Variants in SMYD3 observed in about 807,000 individuals in gnomAD.
SMYD3 encodes SET and MYND domain containing 3.
Under a neutral mutation model 57.7 loss-of-function variants are expected in SMYD3, and 36 were observed. The ratio of observed to expected loss-of-function variants is 0.62; its 90% confidence interval spans 0.48 to 0.82. SMYD3 has a LOEUF of 0.82. Ranked by LOEUF, SMYD3 falls within the 40% of genes least tolerant of loss-of-function variation. The pLI, the probability that SMYD3 is intolerant of heterozygous loss-of-function variation, is 0.00. For missense variants in SMYD3, 515 were observed against 538.8 expected (o/e 0.96, Z 0.44); for synonymous variants, 211 against 195.0 (o/e 1.08, Z -0.68).
intron 5 of SMYD3, among the ~76,000 whole-genome samples, chr1:246,047,039 G>C (rs1045828003): frequency 6.6e-6 from 1 of 152,140 alleles, no homozygotes; most frequent in African/African-American, 2.4e-5. Flanking sequence ...TGTTCCTGAA[G>C]AGGAGGTTAC....
At chr1:246,079,253 G>A (rs10924494) in intron 5 of SMYD3, among the ~76,000 whole-genome samples, 25,995 of 151,920 alleles carry the variant, frequency 0.17, 4,087 homozygotes, top group African/African-American at 0.42. Flanking sequence ...TCTGAAATAG[G>A]ACATACACGT....
chr1:245,857,454 G>A (rs988040715), intron 10 of SMYD3, among the ~76,000 whole-genome samples: 65 of 47,396 alleles, frequency 1.4e-3, no homozygotes, highest in African/African-American at 2.7e-3. Context: ...AAGTACCCTG[G>A]ACTCTCACGT....
At chr1:245,936,053 A>T (rs2056966451) in intron 5 of SMYD3, among the ~76,000 whole-genome samples, 1 of 152,218 alleles carries the variant, frequency 6.6e-6, no homozygotes, top group South Asian at 2.1e-4. Flanking sequence ...AAAAAATGAC[A>T]TGAGGTAAGG....
intron 10 of SMYD3, among the ~76,000 whole-genome samples, chr1:245,768,647 T>C (rs1485667594): frequency 1.3e-5 from 2 of 152,190 alleles, no homozygotes; most frequent in Non-Finnish European, 2.9e-5. Flanking sequence ...GTCCGGCCTT[T>C]AAGAGGTGAT....
intron 2 of SMYD3, among the ~76,000 whole-genome samples, chr1:246,353,940 C>A (rs1363701890): frequency 6.6e-6 from 1 of 152,176 alleles, no homozygotes; most frequent in African/African-American, 2.4e-5. Flanking sequence ...GCATGAGAAC[C>A]TGGAACCCCT....
chr1:245,997,305 C>T (rs1199602631), intron 5 of SMYD3, among the ~76,000 whole-genome samples: 2 of 152,216 alleles, frequency 1.3e-5, no homozygotes, highest in East Asian at 3.9e-4. Context: ...GAGTGATCCC[C>T]AGAAAATCAA....
chr1:245,817,416 C>G (rs201929012), intron 10 of SMYD3, among the ~76,000 whole-genome samples: 2 of 148,862 alleles, frequency 1.3e-5, no homozygotes, highest in East Asian at 4.1e-4. Context: ...TCATCAAAGA[C>G]CAAAAGTAGA....
intron 5 of SMYD3, among the ~76,000 whole-genome samples, chr1:246,001,624 T>C (rs540135572): frequency 6.6e-6 from 1 of 152,342 alleles, no homozygotes; most frequent in East Asian, 1.9e-4. Flanking sequence ...ATAATAATCC[T>C]ATACATAAAT....
At chr1:246,374,874 C>T (rs968243852) in intron 1 of SMYD3, among the ~76,000 whole-genome samples, 3 of 152,054 alleles carry the variant, frequency 2.0e-5, no homozygotes, top group Non-Finnish European at 1.5e-5. Context: ...AGGCGGATCA[C>T]CTGAGGTCAG....
intron 8 of SMYD3, among the ~76,000 whole-genome samples, chr1:245,869,160 GA>G (rs1297740656): frequency 6.6e-6 from 1 of 151,748 alleles, no homozygotes; most frequent in Admixed American, 6.6e-5. Context: ...GTGAGTCCTG[GA>G]ATTTTTTTTT....
intron 10 of SMYD3, among the ~76,000 whole-genome samples, chr1:245,856,067 T>G (rs753971504): frequency 2.6e-5 from 4 of 152,224 alleles, no homozygotes; most frequent in Admixed American, 2.6e-4. Flanking sequence ...CTCATGCACA[T>G]GTGAGAGGTG....
chr1:245,904,636 C>T (rs1401267335), intron 8 of SMYD3, among the ~76,000 whole-genome samples: 3 of 152,096 alleles, frequency 2.0e-5, no homozygotes, highest in Admixed American at 6.5e-5. Flanking sequence ...TACTGTTGGC[C>T]TCTAAGTAAA....
chr1:245,759,660 G>A (rs2045760493), intron 11 of SMYD3, among the ~76,000 whole-genome samples: 1 of 152,162 alleles, frequency 6.6e-6, no homozygotes, highest in Non-Finnish European at 1.5e-5. Context: ...CTTGCGGCCT[G>A]GTGCTGTCTG....
At chr1:245,916,051 G>A (rs1360903179) in intron 7 of SMYD3, among the ~76,000 whole-genome samples, 1 of 152,124 alleles carries the variant, frequency 6.6e-6, no homozygotes, top group Non-Finnish European at 1.5e-5. Flanking sequence ...CAGCCAGATT[G>A]CTCTTAAATT....
intron 5 of SMYD3, among the ~76,000 whole-genome samples, chr1:246,231,838 A>T (rs1350543370): frequency 2.0e-5 from 3 of 152,212 alleles, no homozygotes; most frequent in Non-Finnish European, 4.4e-5. Flanking sequence ...GGGTACAACC[A>T]ATGTTTATTT....
At chr1:245,907,096 G>A (rs1352845006) in intron 8 of SMYD3, among the ~76,000 whole-genome samples, 2 of 152,160 alleles carry the variant, frequency 1.3e-5, no homozygotes, top group South Asian at 2.1e-4. Context: ...GGGACGTGAG[G>A]ATGGTTAATG....
intron 5 of SMYD3, among the ~76,000 whole-genome samples, chr1:246,147,352 T>G (rs963464935): frequency 4.6e-5 from 7 of 152,192 alleles, no homozygotes; most frequent in Admixed American, 4.6e-4. Context: ...CAGCCCTCAT[T>G]TGATGTGAGA....
chr1:246,478,970 T>A (rs1343195570), intron 1 of SMYD3, among the ~76,000 whole-genome samples: 1 of 150,832 alleles, frequency 6.6e-6, no homozygotes, highest in African/African-American at 2.5e-5. Context: ...TATGCACACC[T>A]GTCCTCTGTC....
chr1:246,436,201 A>AC (rs1445232511), intron 1 of SMYD3, among the ~76,000 whole-genome samples: 1 of 151,688 alleles, frequency 6.6e-6, no homozygotes, highest in Admixed American at 6.6e-5. Context: ...AAAAAAAAAA[A>AC]AACTATACAA....
Sources: allele counts gnomAD v4.1 joint callset (sites outside exome capture counted in the v4.1 genomes callset), GRCh38; gene constraint gnomAD v4.1.1; transcripts MANE v1.5; gene names NCBI Gene and HGNC (gene_info 2026-07-23, HGNC 2026-07-21).